ARF3: variants seen among roughly 807,000 people sequenced by gnomAD.
The protein encoded by ARF3 is ADP-ribosylation factor 3.
In ARF3, 5 loss-of-function variants were observed where a neutral mutation model predicts 19.3. The observed-to-expected ratio is 0.26, with a 90% confidence interval of 0.14 to 0.54. ARF3 has a LOEUF of 0.54. ARF3 is among the 20% of genes least tolerant of loss of function. The pLI, the probability that ARF3 is intolerant of heterozygous loss-of-function variation, is 0.95. For missense variants in ARF3, 77 were observed against 234.2 expected (o/e 0.33, Z 4.38); for synonymous variants, 71 against 89.2 (o/e 0.80, Z 1.15).
At chr12:48,954,931 T>C (rs185292069) in intron 1 of ARF3, among the ~76,000 whole-genome samples, 1 of 152,308 alleles carries the variant, frequency 6.6e-6, no homozygotes, top group East Asian at 1.9e-4. Context: ...AAGTACAGGA[T>C]GGCTTGAGGC....
Position 48,939,856 on chromosome 12 carries a change from A to T in ARF3, c.260-77T>A. The T allele has an allele frequency of 1.2e-6, 2 of 1,605,150 alleles. No homozygotes were observed. The highest frequency in any genetic ancestry group is 2.2e-5 in the South Asian group (2 of 90,794). On this transcript the variant is annotated intron_variant, in intron 3 of 4. Coordinates refer to ENST00000256682, the MANE Select transcript of ARF3 (RefSeq NM_001659.3). This position sits in a 1 kb window ranked among gnomAD's most constrained non-coding sequence, Gnocchi z 4.8. ...CCAACCAAAAGACCACACCTGCCTG[A>T]CACCCTCCAAATATTTGCTCCCTTT...
At chr12:48,951,062 C>T (rs547060447) in intron 1 of ARF3, among the ~76,000 whole-genome samples, 234 of 152,272 alleles carry the variant, frequency 1.5e-3, no homozygotes, top group Non-Finnish European at 2.0e-3. Context: ...GCTGGGATTA[C>T]AGGCGTGAGC....
chr12:48,950,571 T>C (rs948140612), intron 1 of ARF3, among the ~76,000 whole-genome samples: 2 of 152,178 alleles, frequency 1.3e-5, no homozygotes, highest in African/African-American at 4.8e-5. Context: ...TCAGTAGCGT[T>C]AAGTACATTC....
intron 1 of ARF3, chr12:48,941,660 A>G (rs1414447589): frequency 6.6e-6 from 1 of 152,172 alleles, no homozygotes; most frequent in Non-Finnish European, 1.5e-5. Context: ...CCAGTTTCCC[A>G]AGGTTTATGC....
chr12:48,939,248 G>A lies in ARF3; in HGVS notation c.385-140C>T, dbSNP rs934146847. On this transcript the variant is annotated intron_variant, in intron 4 of 4. Coordinates refer to ENST00000256682, the MANE Select transcript of ARF3 (RefSeq NM_001659.3). The surrounding 1 kb of genome is among the most constrained non-coding windows in gnomAD (Gnocchi z 4.8). ...GAAACCCAGAACAAGATCCTAAGGA[G>A]CTACTTTGGATTTAGTCACCTAGAA... The A allele has an allele frequency of 2.9e-6, 3 of 1,023,222 alleles. No homozygotes were observed. Among genetic ancestry groups the A allele is most frequent in the Non-Finnish European group, 4.2e-6 (3 of 722,230 alleles). 63.4% of individuals were successfully genotyped at this position (1,023,222 alleles called of 1,614,324 possible).
At chr12:48,943,171 AG>A (rs1335783381) in intron 1 of ARF3, among the ~76,000 whole-genome samples, 15 of 152,312 alleles carry the variant, frequency 9.8e-5, no homozygotes, top group African/African-American at 3.6e-4. Context: ...CAGGACCAAA[AG>A]AATCATTATG....
intron 1 of ARF3, among the ~76,000 whole-genome samples, chr12:48,948,068 G>A (rs1940391074): frequency 6.6e-6 from 1 of 151,686 alleles, no homozygotes; most frequent in African/African-American, 2.4e-5. Flanking sequence ...AGCTGGGTGT[G>A]GTGGTGCACG....
At chr12:48,951,150 C>T (rs1299141717) in intron 1 of ARF3, among the ~76,000 whole-genome samples, 2 of 152,224 alleles carry the variant, frequency 1.3e-5, no homozygotes, top group Non-Finnish European at 2.9e-5. Context: ...GCGTTTTAGA[C>T]ACGTGTGTTT....
chr12:48,939,211 C>A lies in ARF3; in HGVS notation c.385-103G>T. Reference sequence around the variant, plus strand: ...ATGTGTACCAGCACCTTCCCCTCCTCCTTTATTTTAGGAAACCCAGAACAA... The same window carrying A: ...ATGTGTACCAGCACCTTCCCCTCCTACTTTATTTTAGGAAACCCAGAACAA... On this transcript the variant is annotated intron_variant, in intron 4 of 4. Transcript: ENST00000256682. This position sits in a 1 kb window ranked among gnomAD's most constrained non-coding sequence, Gnocchi z 4.8. 7.6e-7 allele frequency: 1 copy of A among 1,320,642 alleles called. No homozygotes were observed. The highest frequency in any genetic ancestry group is 1.0e-6 in the Non-Finnish European group (1 of 972,466). The allele number at this position is 1,320,642 out of a possible 1,614,324, so 81.8% of individuals were successfully genotyped here.
rs752035378 is a variant in ARF3 at position 48,939,826 on chromosome 12, TC to T, written c.260-48del. ...TGCACTAAGATGACAGGTAACCCCC[TC>T]CCCCCAACCAAAAGACCACACCTGC... is the stretch of plus-strand genomic sequence containing the variant. On this transcript the variant is annotated intron_variant, in intron 3 of 4. Coordinates refer to ENST00000256682, the MANE Select transcript of ARF3 (RefSeq NM_001659.3). This position sits in a 1 kb window ranked among gnomAD's most constrained non-coding sequence, Gnocchi z 4.8. 2 of 1,609,964 alleles carry T rather than the reference TC, an allele frequency of 1.2e-6. No individual in the cohort carries two copies.
At chr12:48,944,560 T>C (rs1157913383) in intron 1 of ARF3, among the ~76,000 whole-genome samples, 1 of 152,250 alleles carries the variant, frequency 6.6e-6, no homozygotes, top group African/African-American at 2.4e-5. Flanking sequence ...CTACTTATTT[T>C]GAATCTGTCC....
At position 48,938,234 on chromosome 12, in the gene ARF3, T is replaced by A; in HGVS notation, c.*713A>T. ...GTACAAGGAAAATGGTGGTGAAGAA[T>A]CCATCATCTGTCCTATCATCCAGAA... On this transcript the variant is annotated 3_prime_UTR_variant, in exon 5 of 5. Coordinates refer to ENST00000256682, the MANE Select transcript of ARF3 (RefSeq NM_001659.3). 1 of 363,848 alleles carries A rather than the reference T, an allele frequency of 2.7e-6. No individual in the cohort carries two copies. The highest frequency in any genetic ancestry group is 5.5e-6 in the Non-Finnish European group (1 of 180,876). The allele number at this position is 363,848 out of a possible 1,614,324, so 22.5% of individuals were successfully genotyped here. A position where few individuals can be genotyped will look rare whatever the true frequency, so the allele number is the denominator to read the frequency against.
At chr12:48,948,952 G>C (rs1226403343) in intron 1 of ARF3, among the ~76,000 whole-genome samples, 1 of 152,168 alleles carries the variant, frequency 6.6e-6, no homozygotes, top group Non-Finnish European at 1.5e-5. Flanking sequence ...ATTAGAAAGG[G>C]GAAAGACTGG....
At chr12:48,942,020 T>C (rs1287473598) in intron 1 of ARF3, among the ~76,000 whole-genome samples, 1 of 152,178 alleles carries the variant, frequency 6.6e-6, no homozygotes, top group East Asian at 1.9e-4. Flanking sequence ...CTATTCTCCA[T>C]ATAGCATCTA....
chr12:48,949,171 C>T (rs949803348), intron 1 of ARF3, among the ~76,000 whole-genome samples: 4 of 152,200 alleles, frequency 2.6e-5, no homozygotes, highest in African/African-American at 9.6e-5. Context: ...GGCATTTCTT[C>T]AGAAAGAAAA....
chr12:48,945,949 T>C (rs1369221157), intron 1 of ARF3, among the ~76,000 whole-genome samples: 1 of 152,136 alleles, frequency 6.6e-6, no homozygotes, highest in Non-Finnish European at 1.5e-5. Context: ...ATTACAGGCA[T>C]GTGCCACCAT....
intron 1 of ARF3, chr12:48,955,787 TA>T (rs1183263434): frequency 6.6e-6 from 1 of 152,212 alleles, no homozygotes; most frequent in Non-Finnish European, 1.5e-5. Flanking sequence ...TAGACAACTA[TA>T]AAAATTCTAA....
At chr12:48,940,523 G>A (rs1940236237) in intron 2 of ARF3, among the ~76,000 whole-genome samples, 1 of 152,214 alleles carries the variant, frequency 6.6e-6, no homozygotes. Flanking sequence ...CAAAGGCAGA[G>A]CCAGCTGACA....
At chr12:48,955,623 T>C (rs1341762547) in intron 1 of ARF3, 1 of 152,206 alleles carries the variant, frequency 6.6e-6, no homozygotes, top group East Asian at 1.9e-4. Flanking sequence ...CTCTTGCCCT[T>C]TCCTTAAACT....
Sources: gnomAD v4.1 joint callset for allele counts (sites outside exome capture counted in the v4.1 genomes callset) on GRCh38, gnomAD v4.1.1 for gene constraint, Gnocchi (gnomAD v3.1) non-coding constraint, MANE v1.5 for transcripts, NCBI Gene and HGNC (gene_info 2026-07-23, HGNC 2026-07-21) for gene names.